TRPM3: variants seen among roughly 807,000 people sequenced by gnomAD.
TRPM3 encodes long transient receptor potential channel 3.
A neutral mutation model predicts 181.2 loss-of-function variants in TRPM3; 77 were observed. The ratio of observed to expected loss-of-function variants is 0.42; its 90% CI spans 0.35 to 0.51. The LOEUF (loss-of-function observed/expected upper bound fraction) is 0.51. TRPM3 is among the 20% of genes least tolerant of loss of function. TRPM3 has a pLI of 0.01. For missense variants in TRPM3, 1,759 were observed against 2,196.7 expected (o/e 0.80, Z 3.98); for synonymous variants, 745 against 796.4 (o/e 0.94, Z 1.09).
chr9:71,010,593 G>A (rs1331131634), intron 1 of TRPM3, among the ~76,000 whole-genome samples: 1 of 151,994 alleles, frequency 6.6e-6, no homozygotes, highest in African/African-American at 2.4e-5. Flanking sequence ...CAATTAGAAA[G>A]GCTGTTTTTA....
At chr9:71,153,578 C>T (rs566939878) in intron 1 of TRPM3, among the ~76,000 whole-genome samples, 41 of 152,124 alleles carry the variant, frequency 2.7e-4, no homozygotes, top group Admixed American at 6.6e-4. Context: ...CCACCACGCC[C>T]GGCCAAAATT....
At chr9:71,063,402 T>A (rs1216919670) in intron 1 of TRPM3, among the ~76,000 whole-genome samples, 1 of 152,158 alleles carries the variant, frequency 6.6e-6, no homozygotes, top group Non-Finnish European at 1.5e-5. Context: ...TGGTCCTTGA[T>A]GTTTAGAAAC....
chr9:71,188,936 T>A (rs1341317434), intron 1 of TRPM3, among the ~76,000 whole-genome samples: 2 of 151,960 alleles, frequency 1.3e-5, no homozygotes, highest in Non-Finnish European at 2.9e-5. Flanking sequence ...AATATTCTTG[T>A]GATATTTTGT....
intron 25 of TRPM3, among the ~76,000 whole-genome samples, chr9:70,542,425 A>G (rs1479583724): frequency 6.6e-6 from 1 of 152,196 alleles, no homozygotes; most frequent in African/African-American, 2.4e-5. Flanking sequence ...ATTTCTGAAT[A>G]ACTCAAGTAG....
intron 1 of TRPM3, among the ~76,000 whole-genome samples, chr9:71,169,867 G>A (rs912617203): frequency 6.6e-6 from 1 of 150,776 alleles, no homozygotes; most frequent in Non-Finnish European, 1.5e-5. Flanking sequence ...CGGGCATGGT[G>A]GTGTGTACCC....
At position 70,536,554 on chromosome 9, in the gene TRPM3, G is replaced by A. The variant is rs781637778; in HGVS notation, c.4559C>T (p.Thr1520Ile). 1.2e-5 allele frequency: 19 copies of A among 1,614,070 alleles called. No homozygotes were observed. The highest frequency in any genetic ancestry group is 8.8e-5 in the South Asian group (8 of 91,086). Residue 1520 changes from threonine (T) to isoleucine (I), a missense_variant, in exon 26 of 26, where the codon ACA becomes ATA. This residue lies in a region of TRPM3 where 612 missense variants were observed against 590.0 expected (regional missense o/e 1.04). Coordinates refer to ENST00000677713, the MANE Select transcript of TRPM3 (RefSeq NM_001366145.2). ...GGGAGCCTCTTCTAGAAGAAAGGGT[G>A]TGGTGGCTAGGTAGCGGCTACTTTT... is the stretch of plus-strand genomic sequence containing the variant. ...RSKSSRYLAT[T>I]PFLLEEAPIV...
At chr9:71,290,593 T>C (rs981006938) in intron 1 of TRPM3, among the ~76,000 whole-genome samples, 3 of 152,092 alleles carry the variant, frequency 2.0e-5, no homozygotes, top group East Asian at 3.9e-4. Flanking sequence ...AAAAGGAACA[T>C]ATAAAATTCA....
chr9:71,015,297 C>T (rs905361698), intron 1 of TRPM3, among the ~76,000 whole-genome samples: 2 of 152,176 alleles, frequency 1.3e-5, no homozygotes, highest in Admixed American at 6.5e-5. Context: ...ACACTGAGCA[C>T]CTACCTTGTA....
intron 22 of TRPM3, among the ~76,000 whole-genome samples, chr9:70,584,049 C>CT (rs543990639): frequency 2.6e-5 from 4 of 151,824 alleles, no homozygotes; most frequent in East Asian, 3.9e-4. Flanking sequence ...TTTCTTGTAC[C>CT]TTTTTTTTGA....
At chr9:71,092,473 AT>A (rs924060789) in intron 1 of TRPM3, among the ~76,000 whole-genome samples, 46 of 151,646 alleles carry the variant, frequency 3.0e-4, no homozygotes, top group South Asian at 1.3e-3. Flanking sequence ...CTAAGCATAG[AT>A]TTTTTTTTAG....
At chr9:71,233,596 A>G (rs545385689) in intron 1 of TRPM3, among the ~76,000 whole-genome samples, 5 of 152,372 alleles carry the variant, frequency 3.3e-5, no homozygotes, top group African/African-American at 1.2e-4. Context: ...TTAGAAAAAT[A>G]ACCACACGAA....
intron 1 of TRPM3, among the ~76,000 whole-genome samples, chr9:71,178,180 C>T (rs996237526): frequency 2.0e-5 from 3 of 152,030 alleles, no homozygotes; most frequent in African/African-American, 7.2e-5. Context: ...TTTTTATCAA[C>T]AAGACCACAC....
At chr9:71,381,211 CA>C (rs1249120955) in intron 1 of TRPM3, among the ~76,000 whole-genome samples, 3 of 152,202 alleles carry the variant, frequency 2.0e-5, no homozygotes, top group African/African-American at 7.2e-5. Context: ...TGATAGAGGA[CA>C]GGGGTGACTT....
chr9:70,590,214 C>A (rs2057884340), intron 22 of TRPM3, among the ~76,000 whole-genome samples: 1 of 152,086 alleles, frequency 6.6e-6, no homozygotes, highest in Admixed American at 6.5e-5. Context: ...AAAAATTTCC[C>A]AATGCCTGGT....
intron 1 of TRPM3, among the ~76,000 whole-genome samples, chr9:71,386,599 T>G (rs1428440728): frequency 6.6e-6 from 1 of 152,158 alleles, no homozygotes; most frequent in Non-Finnish European, 1.5e-5. Flanking sequence ...AATTGGATAT[T>G]GGAACTGTGT....
At chr9:71,180,756 C>A (rs1425648058) in intron 1 of TRPM3, among the ~76,000 whole-genome samples, 1 of 152,008 alleles carries the variant, frequency 6.6e-6, no homozygotes, top group South Asian at 2.1e-4. Context: ...TTGTATAAAT[C>A]TTTTAAGATT....
intron 1 of TRPM3, among the ~76,000 whole-genome samples, chr9:71,302,873 G>A (rs895578830): frequency 6.6e-6 from 1 of 152,066 alleles, no homozygotes; most frequent in Non-Finnish European, 1.5e-5. Context: ...ACTACAAAGG[G>A]AGAAGTCAAG....
chr9:70,554,948 C>G (rs1177882523), intron 22 of TRPM3, among the ~76,000 whole-genome samples: 1 of 152,170 alleles, frequency 6.6e-6, no homozygotes, highest in Non-Finnish European at 1.5e-5. Flanking sequence ...TGTAAGAGGT[C>G]CTGATCATTT....
At chr9:71,310,616 G>T (rs539574685) in intron 1 of TRPM3, among the ~76,000 whole-genome samples, 3 of 152,048 alleles carry the variant, frequency 2.0e-5, no homozygotes, top group Non-Finnish European at 4.4e-5. Context: ...TCACCCAAGG[G>T]GGGTGTCTTG....
Sources: allele counts gnomAD v4.1 joint callset (sites outside exome capture counted in the v4.1 genomes callset), GRCh38; gene constraint gnomAD v4.1.1; regional missense constraint gnomAD v4.1.1; transcripts MANE v1.5; gene names NCBI Gene and HGNC (gene_info 2026-07-23, HGNC 2026-07-21).